STRN3: variants seen among roughly 807,000 people sequenced by gnomAD.
The protein encoded by STRN3 is striatin 3, also known as striatin-3.
A neutral mutation model predicts 95.6 loss-of-function variants in STRN3; 29 were observed. The observed-to-expected ratio is 0.30, with a 90% CI of 0.23 to 0.41. The LOEUF is 0.41. Among genes scored for constraint, STRN3 ranks in the 10% least tolerant of loss-of-function variants. STRN3 has a pLI of 1.00. For missense variants in STRN3, 890 were observed against 972.1 expected, an observed-to-expected ratio of 0.92 and a Z score of 1.12; for synonymous variants, 331 against 357.6, an observed-to-expected ratio of 0.93 and a Z score of 0.84.
chr14:30,989,609 C>T (rs1196977562), intron 1 of STRN3, among the ~76,000 whole-genome samples: 4 of 152,036 alleles, frequency 2.6e-5, no homozygotes, highest in African/African-American at 7.3e-5. Context: ...TACAGGTGCC[C>T]GCCACCTCGC....
Position 30,916,933 on chromosome 14 carries a change from A to G in STRN3, c.1240+2033T>C, listed in dbSNP as rs149706852. ...TTCCCAAGAACTTAGTCCAGGTAAC[A>G]GATTCCATTTATACCAGTGGCAACA... is the stretch of plus-strand genomic sequence containing the variant. On this transcript the variant is annotated intron_variant, in intron 9 of 17. Transcript: ENST00000357479. Among the ~76,000 whole-genome samples, 554 of 152,338 alleles carry G rather than the reference A, an allele frequency of 3.6e-3. 1 individual carries two copies. The highest frequency in any genetic ancestry group is 0.024 in the Middle Eastern group (7 of 294).
rs926203332 is a variant in STRN3, at chr14:30,994,720, A to G, written c.282+31184T>C. Among the ~76,000 whole-genome samples the G allele has an allele frequency of 4.6e-5, 7 of 152,362 alleles. 1 individual carries two copies. In the South Asian group the frequency reaches 1.5e-3, roughly 32 times the overall value. ...ATCTCTGCTCACAACATGAAAATGT[A>G]CCAACTGCACCACAAGATATCTTTT... On this transcript the variant is annotated intron_variant, in intron 1 of 17. Coordinates refer to ENST00000357479, the MANE Select transcript of STRN3 (RefSeq NM_001083893.2).
At chr14:30,933,280 TAAAAAAAAA>T (rs35736582) in intron 7 of STRN3, among the ~76,000 whole-genome samples, 32 of 22,784 alleles carry the variant, frequency 1.4e-3, no homozygotes, top group Admixed American at 4.1e-3. Context: ...CCCTGTTTCA[TAAAAAAAAA>T]AAAAAAAAAA....
At chr14:30,919,635 T>C (rs1896831590) in intron 8 of STRN3, among the ~76,000 whole-genome samples, 1 of 152,166 alleles carries the variant, frequency 6.6e-6, no homozygotes, top group African/African-American at 2.4e-5. Context: ...GCCATGTTAG[T>C]ACAAATTTGT....
At chr14:31,013,867 TTATTA>T (rs1566493152) in intron 1 of STRN3, among the ~76,000 whole-genome samples, 20,827 of 92,626 alleles carry the variant, frequency 0.22, 1,967 homozygotes, top group Admixed American at 0.3. Context: ...AGCAATTTTA[TTATTA>T]TTATTATTAT....
intron 3 of STRN3, 70 bp downstream of exon 3, chr14:30,955,550 T>A: frequency 7.5e-7 from 1 of 1,325,296 alleles, no homozygotes. Flanking sequence ...AAAATGCGGG[T>A]AAAGAGAACA....
chr14:31,007,435 A>C (rs913363229), intron 1 of STRN3, among the ~76,000 whole-genome samples: 1 of 152,236 alleles, frequency 6.6e-6, no homozygotes, highest in Non-Finnish European at 1.5e-5. Context: ...TAGGCAAATT[A>C]AAAAAGGAGG....
Position 30,893,914 on chromosome 14 carries a change from C to A in STRN3, c.*1497G>T, listed in dbSNP as rs926979559. On this transcript the variant is annotated 3_prime_UTR_variant, in exon 18 of 18. Coordinates refer to ENST00000357479, the MANE Select transcript of STRN3 (RefSeq NM_001083893.2). ...TACACAATTTAATATTTATTATATG[C>A]ATTTTATATACATTATTTTTCAACA... is the stretch of plus-strand genomic sequence containing the variant. The A allele has an allele frequency of 2.0e-5, 3 of 152,446 alleles. No homozygotes were observed. The highest frequency in any genetic ancestry group is 4.4e-5 in the Non-Finnish European group (3 of 67,996). The allele number at this position is 152,446 out of a possible 1,614,324, so 9.4% of individuals were successfully genotyped here.
intron 3 of STRN3, among the ~76,000 whole-genome samples, chr14:30,951,242 C>T (rs576878042): frequency 6.6e-6 from 1 of 152,068 alleles, no homozygotes; most frequent in East Asian, 1.9e-4. Flanking sequence ...CTGATTTTTT[C>T]TCTTTTTTTT....
intron 9 of STRN3, 48 bp from the exon 10 acceptor site, chr14:30,913,705 C>A: frequency 6.3e-7 from 1 of 1,583,750 alleles, no homozygotes; most frequent in Non-Finnish European, 8.6e-7. Flanking sequence ...TCATACAGTA[C>A]AAGACAATAT....
intron 1 of STRN3, among the ~76,000 whole-genome samples, chr14:30,999,190 C>A (rs1239018372): frequency 1.3e-5 from 2 of 152,102 alleles, no homozygotes. Context: ...ACTACAGGTG[C>A]ATGTGCCACC....
chr14:30,995,757 A>G (rs1882166015), intron 1 of STRN3, among the ~76,000 whole-genome samples: 1 of 152,228 alleles, frequency 6.6e-6, no homozygotes, highest in East Asian at 1.9e-4. Flanking sequence ...CAATTTTTAA[A>G]AATAAAAGTA....
chr14:30,953,083 C>T (rs546563913), intron 3 of STRN3, among the ~76,000 whole-genome samples: 1 of 152,280 alleles, frequency 6.6e-6, no homozygotes, highest in East Asian at 1.9e-4. Context: ...TAAAAAATGA[C>T]TGCATAATAT....
At chr14:30,950,594 C>T (rs1879589663) in intron 4 of STRN3, among the ~76,000 whole-genome samples, 1 of 152,174 alleles carries the variant, frequency 6.6e-6, no homozygotes, top group African/African-American at 2.4e-5. Flanking sequence ...ATGGAGGGCT[C>T]TATCAAGTAT....
chr14:30,915,090 C>G (rs1356482452), intron 9 of STRN3, among the ~76,000 whole-genome samples: 2 of 151,996 alleles, frequency 1.3e-5, no homozygotes, highest in Non-Finnish European at 1.5e-5. Flanking sequence ...TATATCAAAA[C>G]ACACTTAAAA....
intron 7 of STRN3, among the ~76,000 whole-genome samples, chr14:30,931,089 T>C (rs968279224): frequency 2.6e-5 from 4 of 151,950 alleles, no homozygotes; most frequent in Admixed American, 6.6e-5. Context: ...TGAAAATGCA[T>C]AGGGAATAAA....
At chr14:30,945,947 A>G (rs963260845) in intron 5 of STRN3, among the ~76,000 whole-genome samples, 13 of 152,182 alleles carry the variant, frequency 8.5e-5, no homozygotes, top group Non-Finnish European at 1.3e-4. Flanking sequence ...CAATTCTTTA[A>G]GTATTCTAAA....
intron 1 of STRN3, among the ~76,000 whole-genome samples, chr14:31,008,184 C>A (rs1282162656): frequency 7.1e-6 from 1 of 140,874 alleles, no homozygotes; most frequent in Non-Finnish European, 1.5e-5. Context: ...GAGTGAGACT[C>A]CGTCTCAAAA....
intron 8 of STRN3, among the ~76,000 whole-genome samples, chr14:30,927,930 C>CAA (rs56216107): frequency 0.015 from 1,291 of 84,622 alleles, 31 homozygotes; most frequent in African/African-American, 0.04. Flanking sequence ...GAGACTCCGT[C>CAA]AAAAAAAAAA....
Sources: allele counts gnomAD v4.1 joint callset (sites outside exome capture counted in the v4.1 genomes callset), GRCh38; gene constraint gnomAD v4.1.1; transcripts MANE v1.5; gene names NCBI Gene and HGNC (gene_info 2026-07-23, HGNC 2026-07-21).